Variants in GLIS3 observed in about 807,000 individuals in gnomAD.
GLIS3 encodes the protein zinc finger protein GLIS3.
In GLIS3, 53 loss-of-function variants were observed where a neutral mutation model predicts 78.6. The ratio of observed to expected loss-of-function variants is 0.67; its 90% CI spans 0.54 to 0.85. GLIS3 has a LOEUF of 0.85. GLIS3 is among the 40% of genes least tolerant of loss of function. The probability of loss-of-function intolerance (pLI) is 0.00; values close to 1 mark genes in which losing one functional copy is unlikely to be tolerated. For synonymous variants in GLIS3, 684 were observed against 509.9 expected (o/e 1.34, Z -4.60); for missense variants, 1,703 against 1,231.1 (o/e 1.38, Z -5.74).
chr9:4,210,870 C>A (rs1820314431), intron 2 of GLIS3, among the ~76,000 whole-genome samples: 1 of 152,202 alleles, frequency 6.6e-6, no homozygotes, highest in South Asian at 2.1e-4. Flanking sequence ...TGCCATTTTC[C>A]TTCTTCCAAG....
At chr9:4,396,522 T>A in the GLIS3 span, among the ~76,000 whole-genome samples, 1 of 152,218 alleles carries the variant, frequency 6.6e-6, no homozygotes, top group Admixed American at 6.5e-5. Flanking sequence ...CTGGACTGAT[T>A]ACTTTGATTT....
chr9:4,190,922 C>G (rs1257885397), intron 2 of GLIS3, among the ~76,000 whole-genome samples: 1 of 152,078 alleles, frequency 6.6e-6, no homozygotes, highest in Admixed American at 6.6e-5. Flanking sequence ...AATTTCACAT[C>G]CAGCCAAACT....
At chr9:4,084,788 C>G (rs1828882960) in intron 4 of GLIS3, among the ~76,000 whole-genome samples, 1 of 152,120 alleles carries the variant, frequency 6.6e-6, no homozygotes, top group South Asian at 2.1e-4. Context: ...TGGACTGACG[C>G]TGTTTCTAGA....
the GLIS3 span, among the ~76,000 whole-genome samples, chr9:4,358,122 G>A: frequency 2.0e-5 from 3 of 152,172 alleles, no homozygotes; most frequent in Admixed American, 1.3e-4. Flanking sequence ...GTATATGTGT[G>A]TATGTACATA....
the GLIS3 span, among the ~76,000 whole-genome samples, chr9:4,383,599 C>T: frequency 7.9e-6 from 1 of 126,042 alleles, no homozygotes; most frequent in East Asian, 2.2e-4. Flanking sequence ...CTTCTAAATT[C>T]TAATTCTCTG....
At chr9:4,461,918 G>C in the GLIS3 span, among the ~76,000 whole-genome samples, 4 of 152,174 alleles carry the variant, frequency 2.6e-5, no homozygotes, top group Non-Finnish European at 5.9e-5. Flanking sequence ...CTGAGAATGA[G>C]AAAGGGCTTT....
chr9:4,404,102 G>T, the GLIS3 span, among the ~76,000 whole-genome samples: 1 of 152,100 alleles, frequency 6.6e-6, no homozygotes, highest in African/African-American at 2.4e-5. Flanking sequence ...TAGATTTCAA[G>T]ACAAAAACTG....
Position 3,828,187 on chromosome 9 carries a change from C to A in GLIS3, c.*85G>T, listed in dbSNP as rs1817827136. On this transcript the variant is annotated 3_prime_UTR_variant, in exon 11 of 11. Coordinates refer to ENST00000381971, the MANE Select transcript of GLIS3 (RefSeq NM_001042413.2). ...GCCCGCTGATTGGGCTGACATCCTT[C>A]CTCAAGCAGTCTGTGAGAGTACGAA... The A allele has an allele frequency of 6.6e-7, 1 of 1,522,054 alleles. No homozygotes were observed. The allele number at this position is 1,522,054 out of a possible 1,614,324, so 94.3% of individuals were successfully genotyped here. A position where few individuals can be genotyped will look rare whatever the true frequency, so the allele number is the denominator to read the frequency against.
At chr9:4,152,092 A>G in intron 2 of GLIS3, 3 of 974,444 alleles carry the variant, frequency 3.1e-6, no homozygotes, top group Non-Finnish European at 3.7e-6. Flanking sequence ...GTAACACAAT[A>G]TTTTTCTACG....
chr9:4,034,461 A>T (rs1341612468), intron 4 of GLIS3: 3 of 152,178 alleles, frequency 2.0e-5, no homozygotes, highest in African/African-American at 7.2e-5. Flanking sequence ...TTAAGGAGAG[A>T]ATTTCCCAGT....
At chr9:4,216,888 T>C (rs1820902735) in intron 2 of GLIS3, among the ~76,000 whole-genome samples, 1 of 152,204 alleles carries the variant, frequency 6.6e-6, no homozygotes, top group Admixed American at 6.5e-5. Flanking sequence ...ACCCCTCCTC[T>C]CTTGAATAGC....
At chr9:4,220,107 CAG>C (rs1385701314) in intron 2 of GLIS3, among the ~76,000 whole-genome samples, 1 of 152,110 alleles carries the variant, frequency 6.6e-6, no homozygotes, top group Non-Finnish European at 1.5e-5. Context: ...ACTGACTAAA[CAG>C]GGACATTTTT....
At chr9:4,164,039 C>A (rs1835700287) in intron 2 of GLIS3, among the ~76,000 whole-genome samples, 1 of 152,176 alleles carries the variant, frequency 6.6e-6, no homozygotes, top group Non-Finnish European at 1.5e-5. Flanking sequence ...TTATTCTCAT[C>A]CAATTGTCAC....
intron 2 of GLIS3, among the ~76,000 whole-genome samples, chr9:4,245,116 A>G (rs1823681274): frequency 6.6e-6 from 1 of 152,202 alleles, no homozygotes; most frequent in South Asian, 2.1e-4. Flanking sequence ...CTAGGTATGT[A>G]TGTATCACAG....
intron 2 of GLIS3, among the ~76,000 whole-genome samples, chr9:4,169,199 C>G (rs1271713077): frequency 6.6e-6 from 1 of 152,176 alleles, no homozygotes; most frequent in Non-Finnish European, 1.5e-5. Context: ...GAGACCTCTA[C>G]TGATTGGCAG....
At chr9:4,441,168 G>A in the GLIS3 span, among the ~76,000 whole-genome samples, 1 of 152,144 alleles carries the variant, frequency 6.6e-6, no homozygotes, top group African/African-American at 2.4e-5. Flanking sequence ...TAGCTACTCT[G>A]GCTAAGACTT....
intron 4 of GLIS3, among the ~76,000 whole-genome samples, chr9:3,975,452 A>C (rs1818703373): frequency 6.6e-6 from 1 of 152,184 alleles, no homozygotes; most frequent in African/African-American, 2.4e-5. Context: ...TGTATCTGTC[A>C]AAGTAACCTT....
intron 4 of GLIS3, among the ~76,000 whole-genome samples, chr9:3,994,445 A>G (rs1270492385): frequency 6.6e-6 from 1 of 152,226 alleles, no homozygotes; most frequent in Non-Finnish European, 1.5e-5. Flanking sequence ...GGATTTGGCA[A>G]GCGTATGTCT....
intron 2 of GLIS3, among the ~76,000 whole-genome samples, chr9:4,162,990 A>G (rs1266068971): frequency 6.6e-6 from 1 of 151,902 alleles, no homozygotes; most frequent in Non-Finnish European, 1.5e-5. Flanking sequence ...CTCCCTAAGT[A>G]GGGTACTTTC....
Sources: allele counts gnomAD v4.1 joint callset (sites outside exome capture counted in the v4.1 genomes callset), GRCh38; gene constraint gnomAD v4.1.1; transcripts MANE v1.5; gene names NCBI Gene and HGNC (gene_info 2026-07-23, HGNC 2026-07-21).